SSH2: variants seen among roughly 807,000 people sequenced by gnomAD.
The protein encoded by SSH2 is protein phosphatase Slingshot homolog 2.
A neutral mutation model predicts 135.2 loss-of-function variants in SSH2; 37 were observed. That is an observed-to-expected ratio of 0.27 (90% confidence interval 0.21 to 0.36). The LOEUF (loss-of-function observed/expected upper bound fraction) is 0.36. Among genes scored for constraint, SSH2 ranks in the 10% least tolerant of loss-of-function variants. The pLI, the probability that SSH2 is intolerant of heterozygous loss-of-function variation, is 1.00. For synonymous variants in SSH2, 628 were observed against 646.2 expected, an observed-to-expected ratio of 0.97 and a Z score of 0.43; for missense variants, 1,408 against 1,765.3, an observed-to-expected ratio of 0.80 and a Z score of 3.63.
At chr17:29,722,740 C>T (rs575301637) in intron 3 of SSH2, among the ~76,000 whole-genome samples, 1 of 152,198 alleles carries the variant, frequency 6.6e-6, no homozygotes, top group Admixed American at 6.5e-5. Context: ...TGGGGAGGGG[C>T]AGTACAGGAA....
Position 29,628,176 on chromosome 17 carries a change from T to C in SSH2, c.*2665A>G, listed in dbSNP as rs894512898. 6.6e-6 allele frequency: 1 copy of C among 152,176 alleles called. No homozygotes were observed. Among genetic ancestry groups the C allele is most frequent in the African/African-American group, 2.4e-5 (1 of 41,428 alleles). The allele number at this position is 152,176 out of a possible 1,614,324, so 9.4% of individuals were successfully genotyped here. ...ATGTAAATAACCCAGGAACACCCAA[T>C]TCTGGGAGTCTGAAAAGGCTGGCAC... On this transcript the variant is annotated 3_prime_UTR_variant, in exon 16 of 16. Coordinates refer to ENST00000540801, the MANE Select transcript of SSH2 (RefSeq NM_001282129.2).
intron 11 of SSH2, among the ~76,000 whole-genome samples, chr17:29,666,575 C>G (rs893529659): frequency 6.6e-6 from 1 of 151,966 alleles, no homozygotes; most frequent in Non-Finnish European, 1.5e-5. Context: ...CCCAGCTACT[C>G]GGGAGGCTGA....
At position 29,704,669 on chromosome 17, in the gene SSH2, C is replaced by T. The variant is rs1056066202; in HGVS notation, c.189-1607G>A. 2.1e-5 allele frequency among the ~76,000 whole-genome samples: 3 copies of T among 144,748 alleles called. No homozygotes were observed. In the South Asian group the frequency reaches 6.5e-4, roughly 31 times the overall value. The allele number at this position is 144,748 out of a possible 152,430, so 95.0% of individuals were successfully genotyped here. A position where few individuals can be genotyped will look rare whatever the true frequency, so the allele number is the denominator to read the frequency against. Reference sequence around the variant, plus strand: ...AGTGAGTTATGATGGCGCCATTGTACTCCAGCTGGGGCGACAGAGCAAGAC... The same window carrying T: ...AGTGAGTTATGATGGCGCCATTGTATTCCAGCTGGGGCGACAGAGCAAGAC... On this transcript the variant is annotated intron_variant, in intron 3 of 15. Transcript: ENST00000540801.
chr17:29,719,521 AAAAAAAAAAAG>A (rs757124269), intron 3 of SSH2, among the ~76,000 whole-genome samples: 20 of 149,764 alleles, frequency 1.3e-4, no homozygotes, highest in Non-Finnish European at 2.2e-4. Context: ...TCTCAAAAGA[AAAAAAAAAAAG>A]AAAAAAAAAA....
At chr17:29,867,343 C>G (rs767818546) in intron 1 of SSH2, among the ~76,000 whole-genome samples, 5 of 152,100 alleles carry the variant, frequency 3.3e-5, no homozygotes, top group Admixed American at 6.5e-5. Flanking sequence ...TCTCCTCAGA[C>G]CAATATATGA....
chr17:29,805,099 T>G (rs1370647271), intron 2 of SSH2, among the ~76,000 whole-genome samples: 1 of 151,290 alleles, frequency 6.6e-6, no homozygotes, highest in Non-Finnish European at 1.5e-5. Context: ...CTTTTAGAAC[T>G]TTTTTAGTAA....
At chr17:29,686,023 T>C (rs912520120) in intron 5 of SSH2, among the ~76,000 whole-genome samples, 1 of 151,700 alleles carries the variant, frequency 6.6e-6, no homozygotes, top group African/African-American at 2.4e-5. Flanking sequence ...TAGTTTTGTA[T>C]TTTTATTAGA....
At chr17:29,905,771 G>C (rs115081315) in intron 1 of SSH2, among the ~76,000 whole-genome samples, 130 of 152,246 alleles carry the variant, frequency 8.5e-4, no homozygotes, top group African/African-American at 2.9e-3. Context: ...GTGGAAACTG[G>C]TGCCTTTCTC....
rs1196717109 is a variant in SSH2, at chr17:29,791,962, G to T, written c.188+1932C>A. On this transcript the variant is annotated intron_variant, in intron 3 of 15. Coordinates refer to ENST00000540801, the MANE Select transcript of SSH2 (RefSeq NM_001282129.2). ...TAGTAAGACAGAGTCTCACTTTGTT[G>T]CCCAGACTGGAGTGCAGTTGTGTGG... Among the ~76,000 whole-genome samples, 10 of 133,784 alleles carry T rather than the reference G, an allele frequency of 7.5e-5. No individual in the cohort carries two copies. The Admixed American group carries it at 8.1e-4, about 11-fold the overall frequency. 87.8% of individuals were successfully genotyped at this position (133,784 alleles called of 152,430 possible).
At chr17:29,722,847 C>G (rs1414718695) in intron 3 of SSH2, among the ~76,000 whole-genome samples, 1 of 152,212 alleles carries the variant, frequency 6.6e-6, no homozygotes, top group African/African-American at 2.4e-5. Flanking sequence ...AGTAGAGCTG[C>G]TGTCAACAAG....
In SSH2 at chr17:29,732,634, A is replaced by G. The variant is rs150542722; in HGVS notation, c.189-29572T>C. ...TAAGGTCATTTTACTGTCTCTCTCTATATCAGCCAAGTTCACACCTCGCTA... is the reference window on the plus strand; with the variant it reads ...TAAGGTCATTTTACTGTCTCTCTCTGTATCAGCCAAGTTCACACCTCGCTA... On this transcript the variant is annotated intron_variant, in intron 3 of 15. Coordinates refer to ENST00000540801, the MANE Select transcript of SSH2 (RefSeq NM_001282129.2). Among the ~76,000 whole-genome samples the G allele has an allele frequency of 5.6e-4, 85 of 152,260 alleles. 1 individual carries two copies. The highest frequency in any genetic ancestry group is 2.3e-3 in the East Asian group (12 of 5,184).
chr17:29,637,004 T>C (rs776494554), intron 14 of SSH2, among the ~76,000 whole-genome samples: 1 of 152,234 alleles, frequency 6.6e-6, no homozygotes, highest in Non-Finnish European at 1.5e-5. Context: ...GAGTTTTTTT[T>C]ACCTATCAGT....
At chr17:29,883,549 G>C (rs2066178413) in intron 1 of SSH2, among the ~76,000 whole-genome samples, 1 of 152,144 alleles carries the variant, frequency 6.6e-6, no homozygotes, top group East Asian at 1.9e-4. Flanking sequence ...ATGATGAATT[G>C]ATAAAACTGC....
chr17:29,687,401 G>C (rs1247481135), intron 5 of SSH2, among the ~76,000 whole-genome samples: 2 of 152,222 alleles, frequency 1.3e-5, no homozygotes, highest in Non-Finnish European at 2.9e-5. Context: ...GCATAAGATA[G>C]AGAGCTGTAC....
intron 3 of SSH2, among the ~76,000 whole-genome samples, chr17:29,755,461 T>G (rs1253173139): frequency 6.6e-6 from 1 of 152,052 alleles, no homozygotes; most frequent in Non-Finnish European, 1.5e-5. Context: ...AATGATAACA[T>G]AATTACCAAT....
At chr17:29,808,112 T>C (rs1014808248) in intron 2 of SSH2, among the ~76,000 whole-genome samples, 1 of 152,196 alleles carries the variant, frequency 6.6e-6, no homozygotes, top group East Asian at 1.9e-4. Flanking sequence ...AATCTTTCTG[T>C]GGTATAAAAT....
intron 3 of SSH2, among the ~76,000 whole-genome samples, chr17:29,725,679 A>G (rs748664630): frequency 2.6e-5 from 4 of 152,254 alleles, no homozygotes; most frequent in Non-Finnish European, 5.9e-5. Context: ...GTTCTCACTC[A>G]TAAGTGGGAG....
intron 3 of SSH2, among the ~76,000 whole-genome samples, chr17:29,765,759 C>G (rs534991663): frequency 3.3e-5 from 5 of 152,064 alleles, no homozygotes; most frequent in African/African-American, 1.2e-4. Context: ...GTGGCTTATG[C>G]CTGTAATGTC....
intron 2 of SSH2, among the ~76,000 whole-genome samples, chr17:29,844,731 A>C (rs866374987): frequency 2.6e-5 from 4 of 152,322 alleles, no homozygotes; most frequent in South Asian, 4.1e-4. Flanking sequence ...CAGTAGAGGG[A>C]GCAAGTAGCT....
Sources: allele counts gnomAD v4.1 joint callset (sites outside exome capture counted in the v4.1 genomes callset), GRCh38; gene constraint gnomAD v4.1.1; transcripts MANE v1.5; gene names NCBI Gene and HGNC (gene_info 2026-07-23, HGNC 2026-07-21).